SGIP1: variants seen among roughly 807,000 people sequenced by gnomAD.
SGIP1 encodes the protein SH3-containing GRB2-like protein 3-interacting protein 1.
A neutral mutation model predicts 107.5 loss-of-function variants in SGIP1; 38 were observed. The ratio of observed to expected loss-of-function variants is 0.35; its 90% confidence interval spans 0.27 to 0.46. The LOEUF is 0.46. Ranked by LOEUF, SGIP1 falls within the 20% of genes least tolerant of loss-of-function variation. The pLI, the probability that SGIP1 is intolerant of heterozygous loss-of-function variation, is 1.00. For missense variants in SGIP1, 929 were observed against 1,019.5 expected (o/e 0.91, Z 1.21); for synonymous variants, 365 against 366.1 (o/e 1.00, Z 0.03).
intron 5 of SGIP1, among the ~76,000 whole-genome samples, chr1:66,641,240 C>A (rs914010638): frequency 3.0e-4 from 46 of 152,144 alleles, no homozygotes; most frequent in African/African-American, 1.1e-3. Flanking sequence ...TGGAAGGTAA[C>A]AGAAATGTAA....
intron 18 of SGIP1, among the ~76,000 whole-genome samples, chr1:66,698,441 C>G (rs1013323328): frequency 3.2e-4 from 47 of 146,478 alleles, no homozygotes; most frequent in Non-Finnish European, 7.4e-5. Flanking sequence ...TGCAATGGCT[C>G]GATCTCGGCT....
chr1:66,694,337 A>G (rs1420240796), intron 17 of SGIP1: 1 of 949,060 alleles, frequency 1.1e-6, no homozygotes, highest in African/African-American at 1.7e-5. Context: ...TTCCACTAAA[A>G]TCATTCCTGT....
intron 1 of SGIP1, among the ~76,000 whole-genome samples, chr1:66,623,200 A>AT (rs1487856070): frequency 6.6e-6 from 1 of 151,956 alleles, no homozygotes; most frequent in East Asian, 1.9e-4. Context: ...TTTTCTTCAT[A>AT]TTTTTTGTAA....
chr1:66,551,725 T>C (rs1474165257), intron 1 of SGIP1, among the ~76,000 whole-genome samples: 1 of 152,216 alleles, frequency 6.6e-6, no homozygotes, highest in East Asian at 1.9e-4. Flanking sequence ...GTTGCCTTTT[T>C]ACTTGCAGGT....
chr1:66,636,807 G>A (rs746237412), intron 4 of SGIP1, among the ~76,000 whole-genome samples: 4 of 152,124 alleles, frequency 2.6e-5, no homozygotes, highest in East Asian at 1.9e-4. Flanking sequence ...GAAAGCCAGA[G>A]GCATTCCCAA....
At position 66,695,481 on chromosome 1, in the gene SGIP1, T is replaced by C. The variant is rs1177677857; in HGVS notation, c.1618T>C (p.Leu540=). 1 of 1,614,094 alleles carries C rather than the reference T, an allele frequency of 6.2e-7. No individual in the cohort carries two copies. The highest frequency in any genetic ancestry group is 8.5e-7 in the Non-Finnish European group (1 of 1,179,994). The change falls in exon 18 of 25, where the codon TTG becomes CTG. Residue 540 remains leucine (L), a synonymous_variant. Transcript: ENST00000371037. The part of the protein sequence containing the change: ...LVWFDRGKFY[L]TFEGSSRGPS... ...TTGGTTTGACAGAGGAAAGTTTTAT[T>C]TGACTTTTGAAGGTAAGTAGTGCAT...
At chr1:66,582,170 G>T (rs2061912124) in intron 1 of SGIP1, among the ~76,000 whole-genome samples, 1 of 152,000 alleles carries the variant, frequency 6.6e-6, no homozygotes. Flanking sequence ...CTGGAAATTT[G>T]GGAAAAGGTC....
At chr1:66,603,188 A>G (rs2066194857) in intron 1 of SGIP1, among the ~76,000 whole-genome samples, 1 of 152,180 alleles carries the variant, frequency 6.6e-6, no homozygotes, top group Non-Finnish European at 1.5e-5. Context: ...TCAGTTTTTG[A>G]GGACAAGGTA....
chr1:66,664,377 A>G (rs1037878427), intron 8 of SGIP1, among the ~76,000 whole-genome samples: 2 of 152,196 alleles, frequency 1.3e-5, no homozygotes, highest in African/African-American at 4.8e-5. Flanking sequence ...GACTAGAATA[A>G]TATGTCTAGT....
intron 1 of SGIP1, among the ~76,000 whole-genome samples, chr1:66,587,382 A>G (rs1380608689): frequency 6.8e-6 from 1 of 147,266 alleles, no homozygotes; most frequent in Non-Finnish European, 1.5e-5. Context: ...TTCTCAGTCT[A>G]TTTTCTCTAT....
chr1:66,543,768 G>A (rs2055604718), intron 1 of SGIP1, among the ~76,000 whole-genome samples: 1 of 152,154 alleles, frequency 6.6e-6, no homozygotes, highest in South Asian at 2.1e-4. Flanking sequence ...GTTCTGGAAC[G>A]GTTGGCCTCA....
At chr1:66,635,084 C>G (rs1396738687) in intron 3 of SGIP1, among the ~76,000 whole-genome samples, 1 of 152,232 alleles carries the variant, frequency 6.6e-6, no homozygotes, top group Non-Finnish European at 1.5e-5. Context: ...GGTGGTGGTG[C>G]ACCTACCTAA....
intron 1 of SGIP1, among the ~76,000 whole-genome samples, chr1:66,588,232 T>G (rs1174965209): frequency 6.6e-6 from 1 of 152,112 alleles, no homozygotes; most frequent in Non-Finnish European, 1.5e-5. Flanking sequence ...GAAAATGGAA[T>G]AGCTCCATAT....
intron 1 of SGIP1, among the ~76,000 whole-genome samples, chr1:66,602,170 T>A (rs2065965738): frequency 6.6e-6 from 1 of 152,082 alleles, no homozygotes; most frequent in South Asian, 2.1e-4. Context: ...TCCAAATAGA[T>A]CCAAATTTGA....
chr1:66,660,393 A>G (rs2081228944), intron 7 of SGIP1, 120 bp from the exon 8 acceptor site: 3 of 869,702 alleles, frequency 3.4e-6, no homozygotes, highest in Non-Finnish European at 3.9e-6. Flanking sequence ...TTATAAAAGC[A>G]GTGCCTTCGA....
chr1:66,626,475 C>T (rs2072809158), intron 2 of SGIP1, among the ~76,000 whole-genome samples: 1 of 152,192 alleles, frequency 6.6e-6, no homozygotes, highest in African/African-American at 2.4e-5. Context: ...GATGCTTTTA[C>T]ATATTTAAGT....
At chr1:66,723,239 G>A (rs141960765) in intron 19 of SGIP1, among the ~76,000 whole-genome samples, 1 of 152,144 alleles carries the variant, frequency 6.6e-6, no homozygotes, top group African/African-American at 2.4e-5. Context: ...ATTTGATTTT[G>A]TCTATAGTTC....
chr1:66,598,156 A>G (rs2065087563), intron 1 of SGIP1, among the ~76,000 whole-genome samples: 1 of 152,210 alleles, frequency 6.6e-6, no homozygotes, highest in Admixed American at 6.5e-5. Flanking sequence ...TTGATTTGAT[A>G]GTAAAGGGGT....
intron 1 of SGIP1, among the ~76,000 whole-genome samples, chr1:66,562,786 AG>A (rs1329509814): frequency 4.6e-5 from 7 of 152,094 alleles, no homozygotes; most frequent in African/African-American, 1.4e-4. Context: ...GGAATTGCCC[AG>A]GAGGGGACAC....
Sources: gnomAD v4.1 joint callset for allele counts (sites outside exome capture counted in the v4.1 genomes callset) on GRCh38, gnomAD v4.1.1 for gene constraint, MANE v1.5 for transcripts, NCBI Gene and HGNC (gene_info 2026-07-23, HGNC 2026-07-21) for gene names.